TEX101: variants seen among roughly 807,000 people sequenced by gnomAD.
TEX101 encodes testis expressed 101, also known as testis-expressed protein 101.
Under a neutral mutation model 18.1 loss-of-function variants are expected in TEX101, and 10 were observed. That is an observed-to-expected ratio of 0.55 (90% CI 0.34 to 0.94). The LOEUF (loss-of-function observed/expected upper bound fraction) is 0.94. Among genes scored for constraint, TEX101 ranks in the 40% least tolerant of loss-of-function variants. The probability of loss-of-function intolerance (pLI) is 0.02; values close to 1 mark genes in which losing one functional copy is unlikely to be tolerated. For missense variants in TEX101, 259 were observed against 298.9 expected (o/e 0.87, Z 0.98); for synonymous variants, 94 against 114.8 (o/e 0.82, Z 1.16).
At position 43,415,959 on chromosome 19, in the gene TEX101, GT is replaced by G. The variant is rs1970470864; in HGVS notation, c.41del (p.Val14AlafsTer2). 1 of 1,613,996 alleles carries G rather than the reference GT, an allele frequency of 6.2e-7. No individual in the cohort carries two copies. Among genetic ancestry groups the G allele is most frequent in the African/African-American group, 1.3e-5 (1 of 74,912 alleles). On this transcript the variant is annotated frameshift_variant, in exon 2 of 6. Transcript: ENST00000598265. LOFTEE classifies it high-confidence loss of function. ...TATCCAGCATTTGCTGATCCTCCTG[GT>G]CCTAGGAGCCTCCCTCCTGACCTGT... Reference protein sequence around the residue: ...PRIQHLLILLVLGASLLTSGL... With the variant: ...PRIQHLLILLXLGASLLTSGL...
chr19:43,406,081 C>CAAAAA lies in TEX101; in HGVS notation c.-282-126_-282-122dup, dbSNP rs34029449. 7.6e-4 allele frequency: 45 copies of CAAAAA among 58,826 alleles called. 1 individual carries two copies. The highest frequency in any genetic ancestry group is 2.0e-3 in the African/African-American group (36 of 17,986). The allele number at this position is 58,826 out of a possible 1,614,324, so 3.6% of individuals were successfully genotyped here. ...ACAACATAAGGAGACCCTGTCTCTA[C>CAAAAA]AAAAAAAAAAAAAAAAAAAAGCCAG... On this transcript the variant is annotated intron_variant, in intron 2 of 7. Coordinates refer to the TEX101 transcript ENST00000602198.
rs527968099 is a variant in TEX101, at chr19:43,418,506, G to C, written c.*109G>C. 9.5e-6 allele frequency: 8 copies of C among 845,576 alleles called. No individual in the cohort carries two copies. The African/African-American group carries it at 1.4e-4, about 14-fold the overall frequency. 52.4% of individuals were successfully genotyped at this position (845,576 alleles called of 1,614,324 possible). On this transcript the variant is annotated 3_prime_UTR_variant, in exon 6 of 6. Coordinates refer to ENST00000598265, the MANE Select transcript of TEX101 (RefSeq NM_001130011.3). The stretch of plus-strand genomic sequence containing the variant: ...AGATGGGAATTTGAGGGAGAATACA[G>C]AGATACTATGAACGTATTTGACATT...
At chr19:43,411,397 A>G (rs1377968359), upstream of TEX101, among the ~76,000 whole-genome samples, 1 of 151,912 alleles carries the variant, frequency 6.6e-6, no homozygotes, top group Admixed American at 6.6e-5. Flanking sequence ...TTTAAACAGG[A>G]GTAATGTGGT....
upstream of TEX101, among the ~76,000 whole-genome samples, chr19:43,411,514 G>A (rs981126866): frequency 2.6e-5 from 4 of 152,202 alleles, no homozygotes; most frequent in African/African-American, 7.2e-5. Context: ...TGTCACAAGT[G>A]CTTATATAAA....
intron 2 of TEX101, among the ~76,000 whole-genome samples, chr19:43,405,054 T>G (rs1291418690): frequency 6.6e-6 from 1 of 152,176 alleles, no homozygotes; most frequent in Non-Finnish European, 1.5e-5. Context: ...TAATGATATC[T>G]AGTGGGATTA....
chr19:43,394,317 C>A, the TEX101 span, among the ~76,000 whole-genome samples: 1 of 151,924 alleles, frequency 6.6e-6, no homozygotes, highest in South Asian at 2.1e-4. Context: ...GAGATGTAAG[C>A]AGATCCTATT....
chr19:43,414,951 T>A lies in TEX101; in HGVS notation c.-127T>A, dbSNP rs1244046554. On this transcript the variant is annotated 5_prime_UTR_variant, in exon 1 of 6. In the 5' UTR this introduces an upstream ATG that the reference lacks. Transcript: ENST00000598265. ...CCTCAACTTTGGCGTCGTGAGATTC[T>A]TGTGAGGCGTCTGCCTGGAAGCCGG... 1.0e-6 allele frequency: 1 copy of A among 985,310 alleles called. No homozygotes were observed. Among genetic ancestry groups the A allele is most frequent in the Non-Finnish European group, 1.2e-6 (1 of 829,956 alleles). The allele number at this position is 985,310 out of a possible 1,614,324, so 61.0% of individuals were successfully genotyped here.
intron 1 of TEX101, among the ~76,000 whole-genome samples, chr19:43,402,298 T>A (rs902162323): frequency 2.6e-5 from 4 of 152,230 alleles, no homozygotes; most frequent in African/African-American, 9.6e-5. Context: ...CAGTTCTCTG[T>A]GTGATTGATT....
the TEX101 span, among the ~76,000 whole-genome samples, chr19:43,394,597 A>T: frequency 2.0e-5 from 3 of 151,804 alleles, no homozygotes; most frequent in East Asian, 5.8e-4. Context: ...CGGCCTCTGG[A>T]GTAGCTGGGA....
At chr19:43,389,930 C>T in the TEX101 span, among the ~76,000 whole-genome samples, 1 of 152,178 alleles carries the variant, frequency 6.6e-6, no homozygotes, top group Non-Finnish European at 1.5e-5. Context: ...CCTGTCTCCA[C>T]TGGGGCCAGC....
At chr19:43,410,979 C>T (rs1236496852), upstream of TEX101, among the ~76,000 whole-genome samples, 2 of 152,154 alleles carry the variant, frequency 1.3e-5, no homozygotes, top group Non-Finnish European at 2.9e-5. Flanking sequence ...TGGGCTCCAG[C>T]GATCCTCCCA....
At chr19:43,414,229 GTCT>G (rs1313467599), upstream of TEX101, among the ~76,000 whole-genome samples, 3 of 152,170 alleles carry the variant, frequency 2.0e-5, no homozygotes, top group East Asian at 1.9e-4. Context: ...CGAGTGACAT[GTCT>G]TCTTCATGGT....
At chr19:43,388,826 T>C in the TEX101 span, among the ~76,000 whole-genome samples, 6 of 152,240 alleles carry the variant, frequency 3.9e-5, no homozygotes, top group Non-Finnish European at 7.3e-5. Flanking sequence ...TTTACTTCTA[T>C]GGATGTGAGG....
chr19:43,406,081 CAA>C (rs34029449), intron 2 of TEX101: 111 of 58,842 alleles, frequency 1.9e-3, no homozygotes, highest in South Asian at 3.9e-3. Flanking sequence ...CCTGTCTCTA[CAA>C]AAAAAAAAAA....
chr19:43,412,687 C>G (rs1008232059), upstream of TEX101, among the ~76,000 whole-genome samples: 3 of 152,120 alleles, frequency 2.0e-5, no homozygotes, highest in African/African-American at 7.2e-5. Context: ...TTCCTGGATC[C>G]TTTGACATGT....
At chr19:43,399,085 A>G (rs1970298329), upstream of TEX101, among the ~76,000 whole-genome samples, 1 of 152,240 alleles carries the variant, frequency 6.6e-6, no homozygotes, top group Admixed American at 6.5e-5. Flanking sequence ...GTTGTCTTAT[A>G]GAATGCCCAC....
Position 43,408,173 on chromosome 19 carries a change from C to G in TEX101, c.15+1654C>G, listed in dbSNP as rs1044394020. Among the ~76,000 whole-genome samples the G allele has an allele frequency of 3.3e-5, 5 of 152,374 alleles. No homozygotes were observed. The South Asian group carries it at 1.0e-3, about 32-fold the overall frequency. On this transcript the variant is annotated intron_variant, in intron 3 of 7. Transcript: ENST00000602198. ...CGCAATGCCCTCAGGAGGCGCCCGC[C>G]CCGCCCTCTGGGCTTTCCGAGGGCT...
chr19:43,408,605 C>T (rs550727108), intron 3 of TEX101, among the ~76,000 whole-genome samples: 5 of 152,138 alleles, frequency 3.3e-5, no homozygotes, highest in Admixed American at 6.5e-5. Flanking sequence ...CACAACCACC[C>T]GTGACGCCCA....
rs940861829 is a variant in TEX101, at chr19:43,416,411, C to A, written c.247C>A (p.Pro83Thr). Residue 83 changes from proline to threonine, a missense_variant, in exon 4 of 6, where the codon CCG becomes ACG. By Grantham distance (38) the Pro-to-Thr change is conservative. Transcript: ENST00000598265. The stretch of plus-strand genomic sequence containing the variant: ...CATTTTGGCCACGAAGGGCTGCATC[C>A]CGGAAGGGGAGGAGGCCATAACAAT... ...TAILATKGCIPEGEEAITIVQ... is the reference protein window; with the variant it reads ...TAILATKGCITEGEEAITIVQ... 1.2e-6 allele frequency: 2 copies of A among 1,614,100 alleles called. No individual in the cohort carries two copies. Among genetic ancestry groups the A allele is most frequent in the Non-Finnish European group, 1.7e-6 (2 of 1,180,002 alleles).
Sources: allele counts gnomAD v4.1 joint callset (sites outside exome capture counted in the v4.1 genomes callset), GRCh38; gene constraint gnomAD v4.1.1; transcripts MANE v1.5; gene names NCBI Gene and HGNC (gene_info 2026-07-23, HGNC 2026-07-21).